Variants in EVC2 observed in about 807,000 individuals in gnomAD.
EVC2 encodes the protein limbin.
In EVC2, 148 loss-of-function variants were observed where a neutral mutation model predicts 149.3. That is an observed-to-expected ratio of 0.99 (90% confidence interval 0.87 to 1.14). The LOEUF is 1.14. EVC2 is among the 50% of genes most tolerant of loss of function. The probability of loss-of-function intolerance (pLI) is 0.00; values close to 1 mark genes in which losing one functional copy is unlikely to be tolerated. For synonymous variants in EVC2, 776 were observed against 649.9 expected (o/e 1.19, Z -2.95); for missense variants, 1,854 against 1,627.3 (o/e 1.14, Z -2.40).
chr4:5,544,305 A>G (rs941856904), intron 21 of EVC2, among the ~76,000 whole-genome samples: 1 of 151,910 alleles, frequency 6.6e-6, no homozygotes, highest in Non-Finnish European at 1.5e-5. Context: ...GCAAGTTGTC[A>G]AATAGTGGAT....
At chr4:5,558,277 T>A (rs1373023157), downstream of EVC2, among the ~76,000 whole-genome samples, 1 of 152,170 alleles carries the variant, frequency 6.6e-6, no homozygotes, top group Admixed American at 6.5e-5. Context: ...TTAACTGACC[T>A]TTGACAAATT....
intron 18 of EVC2, among the ~76,000 whole-genome samples, chr4:5,575,005 T>C (rs1722839125): frequency 6.6e-6 from 1 of 152,182 alleles, no homozygotes; most frequent in Admixed American, 6.5e-5. Flanking sequence ...GTGAAAAGTT[T>C]CATGGGAGCT....
At chr4:5,685,584 A>G in intron 5 of EVC2, 105 bp from the exon 6 acceptor site, 1 of 888,470 alleles carries the variant, frequency 1.1e-6, no homozygotes, top group African/African-American at 1.6e-5. Context: ...CAGTGGTTCC[A>G]AGGGAGGCCA....
At position 5,657,074 on chromosome 4, in the gene EVC2, C is replaced by T. The variant is rs1156248302; in HGVS notation, c.1145+6033G>A. ...CTATGCCCTGCCCGCCAGTGGCCTCCATGCCTCCATCCAGACCACTGAGAC... is the reference window on the plus strand; with the variant it reads ...CTATGCCCTGCCCGCCAGTGGCCTCTATGCCTCCATCCAGACCACTGAGAC... On this transcript the variant is annotated intron_variant, in intron 9 of 21. Coordinates refer to ENST00000344408, the MANE Select transcript of EVC2 (RefSeq NM_147127.5). This position sits in a 1 kb window ranked among gnomAD's most constrained non-coding sequence, Gnocchi z 4.7. 3.9e-5 allele frequency among the ~76,000 whole-genome samples: 6 copies of T among 152,198 alleles called. No individual in the cohort carries two copies. The highest frequency in any genetic ancestry group is 8.8e-5 in the Non-Finnish European group (6 of 68,050).
At chr4:5,600,402 C>T (rs1341610275) in intron 16 of EVC2, among the ~76,000 whole-genome samples, 1 of 152,256 alleles carries the variant, frequency 6.6e-6, no homozygotes, top group African/African-American at 2.4e-5. Context: ...GCGTTTCCCC[C>T]TATTTTAAAG....
Position 5,663,227 on chromosome 4 carries a change from T to C in EVC2, c.1025A>G (p.Lys342Arg), listed in dbSNP as rs775193560. 6.2e-7 allele frequency: 1 copy of C among 1,614,138 alleles called. No individual in the cohort carries two copies. The highest frequency in any genetic ancestry group is 2.2e-5 in the East Asian group (1 of 44,876). Reference sequence around the variant, plus strand: ...TGAGGTGAACGGCAAGGGTTCCAGCTTGCTCTCATACTGCCAAACCTTCAG... The same window carrying C: ...TGAGGTGAACGGCAAGGGTTCCAGCCTGCTCTCATACTGCCAAACCTTCAG... ...TRHRVWQYESKLEPLPFTSAD... is the reference protein window; with the variant it reads ...TRHRVWQYESRLEPLPFTSAD... Residue 342 changes from lysine (K) to arginine (R), a missense_variant, in exon 9 of 22, where the codon AAG becomes AGG. Transcript: ENST00000344408.
At chr4:5,597,348 A>G (rs1468707539) in intron 16 of EVC2, among the ~76,000 whole-genome samples, 1 of 152,238 alleles carries the variant, frequency 6.6e-6, no homozygotes, top group African/African-American at 2.4e-5. Context: ...AGCCAGCAGC[A>G]CATCAAAAAG....
chr4:5,652,895 A>G (rs552855403), intron 9 of EVC2, among the ~76,000 whole-genome samples: 95 of 152,318 alleles, frequency 6.2e-4, no homozygotes, highest in African/African-American at 2.2e-3. Context: ...TATGTAGCCA[A>G]GTACCATCAG....
chr4:5,631,222 C>T (rs936569900), intron 11 of EVC2, among the ~76,000 whole-genome samples: 4 of 152,162 alleles, frequency 2.6e-5, no homozygotes, highest in Non-Finnish European at 4.4e-5. Context: ...TGCACACATA[C>T]ATGCATATAT....
downstream of EVC2, chr4:5,562,384 A>G: frequency 1.1e-6 from 1 of 923,262 alleles, no homozygotes; most frequent in Non-Finnish European, 1.3e-6. The surrounding 1 kb of genome is among the most constrained non-coding windows in gnomAD (Gnocchi z 4.3). Context: ...CGTAAGACGT[A>G]ATTTCAAATA....
Position 5,686,816 on chromosome 4 carries a change from A to G in EVC2, c.707-1337T>C, listed in dbSNP as rs1368456235. Among the ~76,000 whole-genome samples, 2 of 151,864 alleles carry G rather than the reference A, an allele frequency of 1.3e-5. No homozygotes were observed. Among genetic ancestry groups the G allele is most frequent in the Admixed American group, 6.6e-5 (1 of 15,252 alleles). ...AAAAAAAAAAGTCACCTGTGCCCCA[A>G]GGTGAAAATCAATGTCACATTCCTT... On this transcript the variant is annotated intron_variant, in intron 5 of 21. Transcript: ENST00000344408. This position sits in a 1 kb window ranked among gnomAD's most constrained non-coding sequence, Gnocchi z 5.4.
At chr4:5,680,884 CAG>C (rs1290977146) in intron 7 of EVC2, among the ~76,000 whole-genome samples, 1 of 148,452 alleles carries the variant, frequency 6.7e-6, no homozygotes, top group Non-Finnish European at 1.5e-5. Context: ...AGAGCAGAAG[CAG>C]AGAGACCCGC....
At chr4:5,620,403 G>A (rs1715603122) in intron 14 of EVC2, among the ~76,000 whole-genome samples, 3 of 152,194 alleles carry the variant, frequency 2.0e-5, no homozygotes, top group Non-Finnish European at 2.9e-5. Flanking sequence ...CCCTGAAGGA[G>A]TTTGAAATCA....
chr4:5,640,926 T>G lies in EVC2; in HGVS notation c.1146-88A>C, dbSNP rs971449907. The G allele has an allele frequency of 5.5e-5, 81 of 1,480,134 alleles. 1 individual carries two copies. In the African/African-American group the frequency reaches 9.6e-4, roughly 17 times the overall value. The allele number at this position is 1,480,134 out of a possible 1,614,324, so 91.7% of individuals were successfully genotyped here. On this transcript the variant is annotated intron_variant, in intron 9 of 21. Transcript: ENST00000344408. The surrounding 1 kb of genome is among the most constrained non-coding windows in gnomAD (Gnocchi z 4.6). The stretch of plus-strand genomic sequence containing the variant: ...TTCAAAGCTCTGAGGTTTTCATTTA[T>G]GTGTAGGCAAGGGCTTTCTTCGTCT...
At position 5,706,429 on chromosome 4, in the gene EVC2, C is replaced by CACAG. The variant is rs1722186530; in HGVS notation, c.228+1856_228+1857insCTGT. On this transcript the variant is annotated intron_variant, in intron 1 of 21. Transcript: ENST00000344408. ...AGATAGATACATAGATAGATAGATA[C>CACAG]ATAGATAGATAGATAGATACATACA... 2.4e-4 allele frequency among the ~76,000 whole-genome samples: 3 copies of CACAG among 12,650 alleles called. 1 individual carries two copies. Among genetic ancestry groups the CACAG allele is most frequent in the African/African-American group, 9.2e-4 (3 of 3,274 alleles). The allele number at this position is 12,650 out of a possible 152,430, so 8.3% of individuals were successfully genotyped here.
chr4:5,655,268 T>C (rs1035429617), intron 9 of EVC2, among the ~76,000 whole-genome samples: 1 of 152,210 alleles, frequency 6.6e-6, no homozygotes, highest in African/African-American at 2.4e-5. Context: ...ACAGGGCTGC[T>C]GTCCACCTTA....
In EVC2 at chr4:5,636,552, G is replaced by A. The variant is rs1716900998; in HGVS notation, c.1470+3962C>T. ...GTATTAGGTATTACAAGTAACAGAG[G>A]TGATTTAAAGTATACAGGAGCATTT... On this transcript the variant is annotated intron_variant, in intron 10 of 21. Coordinates refer to ENST00000344408, the MANE Select transcript of EVC2 (RefSeq NM_147127.5). The surrounding 1 kb of genome is among the most constrained non-coding windows in gnomAD (Gnocchi z 4.6). Among the ~76,000 whole-genome samples, 1 of 152,130 alleles carries A rather than the reference G, an allele frequency of 6.6e-6. No homozygotes were observed. The highest frequency in any genetic ancestry group is 1.5e-5 in the Non-Finnish European group (1 of 68,036).
At chr4:5,595,218 T>A (rs549865132) in intron 16 of EVC2, among the ~76,000 whole-genome samples, 1 of 151,880 alleles carries the variant, frequency 6.6e-6, no homozygotes, top group Non-Finnish European at 1.5e-5. Flanking sequence ...ATACAGAGAA[T>A]GCCACAAAGA....
At chr4:5,688,656 C>G (rs1321766681) in intron 5 of EVC2, among the ~76,000 whole-genome samples, 1 of 152,096 alleles carries the variant, frequency 6.6e-6, no homozygotes, top group Non-Finnish European at 1.5e-5. Flanking sequence ...ACCAAGCAGC[C>G]CTGGAGTTAC....
Sources: allele counts gnomAD v4.1 joint callset (sites outside exome capture counted in the v4.1 genomes callset), GRCh38; gene constraint gnomAD v4.1.1; non-coding constraint Gnocchi (gnomAD v3.1); transcripts MANE v1.5; gene names NCBI Gene and HGNC (gene_info 2026-07-23, HGNC 2026-07-21).